EFEMP1: variants seen among roughly 807,000 people sequenced by gnomAD.
The protein encoded by EFEMP1 is EGF-like fibulin extracellular matrix protein 1, also known as EGF-containing fibulin-like extracellular matrix protein 1.
In EFEMP1, 18 loss-of-function variants were observed where a neutral mutation model predicts 65.7. The observed-to-expected ratio is 0.27, with a 90% confidence interval of 0.19 to 0.41. The LOEUF is 0.41. EFEMP1 is among the 10% of genes least tolerant of loss of function. The pLI is 1.00. For synonymous variants in EFEMP1, 237 were observed against 219.7 expected (o/e 1.08, Z -0.70); for missense variants, 469 against 624.8 (o/e 0.75, Z 2.66).
intron 5 of EFEMP1, among the ~76,000 whole-genome samples, chr2:55,889,493 CAG>C (rs1412176830): frequency 6.6e-6 from 1 of 152,164 alleles, no homozygotes; most frequent in Non-Finnish European, 1.5e-5. Flanking sequence ...CCATATGCCT[CAG>C]GGCCCTTATT....
At chr2:55,887,115 G>A (rs764531527) in intron 5 of EFEMP1, among the ~76,000 whole-genome samples, 5 of 152,086 alleles carry the variant, frequency 3.3e-5, no homozygotes, top group Non-Finnish European at 5.9e-5. Context: ...TGTGGAAGAG[G>A]TAGTTACTTC....
chr2:55,874,569 C>G (rs1437040510), intron 9 of EFEMP1, among the ~76,000 whole-genome samples: 1 of 152,052 alleles, frequency 6.6e-6, no homozygotes, highest in East Asian at 1.9e-4. Flanking sequence ...AGGGCTAAGA[C>G]TGGATGGAGG....
chr2:55,915,681 T>G (rs1465693370), intron 5 of EFEMP1, among the ~76,000 whole-genome samples: 3 of 152,178 alleles, frequency 2.0e-5, no homozygotes, highest in Admixed American at 6.5e-5. Context: ...TTCAAAATAA[T>G]TCAGTATATA....
chr2:55,916,109 T>G (rs72924567), intron 5 of EFEMP1, among the ~76,000 whole-genome samples: 12,425 of 139,308 alleles, frequency 0.089, 661 homozygotes, highest in African/African-American at 0.18. Context: ...TTTCCTTCAT[T>G]TTTTTTTTTT....
chr2:55,915,952 C>G (rs539637439), intron 5 of EFEMP1, among the ~76,000 whole-genome samples: 2 of 152,168 alleles, frequency 1.3e-5, no homozygotes, highest in South Asian at 4.1e-4. Context: ...TACTGGAATT[C>G]TGACTCATGA....
At chr2:55,872,537 G>A (rs75943405) in intron 9 of EFEMP1, among the ~76,000 whole-genome samples, 4,115 of 152,226 alleles carry the variant, frequency 0.027, 185 homozygotes, top group African/African-American at 0.093. Context: ...GGAGGTAGGT[G>A]AGAAAGATAT....
Position 55,923,628 on chromosome 2 carries a change from C to T in EFEMP1, c.-49+83G>A. On this transcript the variant is annotated intron_variant, in intron 1 of 11. Transcript: ENST00000355426. The surrounding 1 kb of genome is among the most constrained non-coding windows in gnomAD (Gnocchi z 5.3). Reference sequence around the variant, plus strand: ...CAGTTCTCGGGTACTCAACACCCCTCAGCTCACCCCACCTCACTCTCCCGC... The same window carrying T: ...CAGTTCTCGGGTACTCAACACCCCTTAGCTCACCCCACCTCACTCTCCCGC... 1 of 985,720 alleles carries T rather than the reference C, an allele frequency of 1.0e-6. No homozygotes were observed. 61.1% of individuals were successfully genotyped at this position (985,720 alleles called of 1,614,324 possible).
Position 55,867,329 on chromosome 2 carries a change from A to T in EFEMP1, c.1321-95T>A. The T allele has an allele frequency of 7.3e-7, 1 of 1,370,736 alleles. No homozygotes were observed. Among genetic ancestry groups the T allele is most frequent in the Non-Finnish European group, 1.0e-6 (1 of 1,001,396 alleles). 84.9% of individuals were successfully genotyped at this position (1,370,736 alleles called of 1,614,324 possible). On this transcript the variant is annotated intron_variant, in intron 11 of 11. Coordinates refer to ENST00000355426, the MANE Select transcript of EFEMP1 (RefSeq NM_001039348.3). This position sits in a 1 kb window ranked among gnomAD's most constrained non-coding sequence, Gnocchi z 4.3. ...TATACCTCCTATAAGAATTAGGGGG[A>T]GAATTTTGAAGGTGGTATAAAAGAG...
intron 5 of EFEMP1, among the ~76,000 whole-genome samples, chr2:55,906,559 C>CT (rs539508670): frequency 1.3e-5 from 2 of 148,186 alleles, no homozygotes; most frequent in African/African-American, 4.9e-5. Flanking sequence ...TATGGGAGGA[C>CT]TTTTTTTTCT....
rs528633715 is a variant in EFEMP1, at chr2:55,875,184, A to G, written c.881-119T>C. 5 of 388,722 alleles carry G rather than the reference A, an allele frequency of 1.3e-5. No homozygotes were observed. In the South Asian group the frequency reaches 4.2e-4, roughly 32 times the overall value. The allele number at this position is 388,722 out of a possible 1,614,324, so 24.1% of individuals were successfully genotyped here. On this transcript the variant is annotated intron_variant, in intron 8 of 11. Transcript: ENST00000355426. ...AAATTATAAGATTTAAAATATCTATATTAAAATAATTATATATAATTAAAA... is the reference window on the plus strand; with the variant it reads ...AAATTATAAGATTTAAAATATCTATGTTAAAATAATTATATATAATTAAAA...
intron 5 of EFEMP1, among the ~76,000 whole-genome samples, chr2:55,890,066 C>A (rs1316810159): frequency 6.6e-6 from 1 of 151,644 alleles, no homozygotes; most frequent in Non-Finnish European, 1.5e-5. Context: ...AAACAAAACC[C>A]AAATATACTG....
intron 5 of EFEMP1, among the ~76,000 whole-genome samples, chr2:55,909,931 C>G (rs546601031): frequency 3.3e-5 from 5 of 152,292 alleles, no homozygotes; most frequent in African/African-American, 1.2e-4. Context: ...AAGTGGTTCT[C>G]AAATTTGACT....
intron 5 of EFEMP1, among the ~76,000 whole-genome samples, chr2:55,899,886 TG>T (rs887023417): frequency 6.6e-6 from 1 of 152,256 alleles, no homozygotes; most frequent in Admixed American, 6.5e-5. Flanking sequence ...GAACAATTTC[TG>T]GGGGGGAAGT....
chr2:55,868,800 T>C (rs937628419), intron 11 of EFEMP1, among the ~76,000 whole-genome samples: 1 of 152,160 alleles, frequency 6.6e-6, no homozygotes, highest in African/African-American at 2.4e-5. Flanking sequence ...TCATGACACC[T>C]AGCATAGAGC....
At chr2:55,869,062 T>A (rs1238935604) in intron 11 of EFEMP1, among the ~76,000 whole-genome samples, 1 of 152,174 alleles carries the variant, frequency 6.6e-6, no homozygotes, top group African/African-American at 2.4e-5. Flanking sequence ...ATGTTTTCTA[T>A]CAGTCATGAG....
chr2:55,902,846 A>T (rs1012251647), intron 5 of EFEMP1, among the ~76,000 whole-genome samples: 1 of 152,204 alleles, frequency 6.6e-6, no homozygotes, highest in Non-Finnish European at 1.5e-5. Flanking sequence ...GGCAAAAATG[A>T]ACTATCAATG....
chr2:55,901,620 T>G (rs745855824), intron 5 of EFEMP1, among the ~76,000 whole-genome samples: 1 of 152,180 alleles, frequency 6.6e-6, no homozygotes. Flanking sequence ...TTTTGCTTTT[T>G]GAAATCATTT....
chr2:55,891,443 T>C (rs551490238), intron 5 of EFEMP1, among the ~76,000 whole-genome samples: 1 of 152,206 alleles, frequency 6.6e-6, no homozygotes, highest in African/African-American at 2.4e-5. Context: ...CTTGACAATG[T>C]TGATGATTAA....
Position 55,923,663 on chromosome 2 carries a change from A to G in EFEMP1, c.-49+48T>C. The G allele has an allele frequency of 3.0e-6, 3 of 985,672 alleles. No homozygotes were observed. Among genetic ancestry groups the G allele is most frequent in the Non-Finnish European group, 3.6e-6 (3 of 830,302 alleles). The allele number at this position is 985,672 out of a possible 1,614,324, so 61.1% of individuals were successfully genotyped here. A position where few individuals can be genotyped will look rare whatever the true frequency, so the allele number is the denominator to read the frequency against. On this transcript the variant is annotated intron_variant, in intron 1 of 11. Transcript: ENST00000355426. The surrounding 1 kb of genome is among the most constrained non-coding windows in gnomAD (Gnocchi z 5.3). ...CACCTCACTCTCCCGCGCGCGGCCC[A>G]GTGAGTACTGGGCTCGCTCGGGGCG...
Sources: gnomAD v4.1 joint callset for allele counts (sites outside exome capture counted in the v4.1 genomes callset) on GRCh38, gnomAD v4.1.1 for gene constraint, Gnocchi (gnomAD v3.1) non-coding constraint, MANE v1.5 for transcripts, NCBI Gene and HGNC (gene_info 2026-07-23, HGNC 2026-07-21) for gene names.